ZSWIM5: variants seen among roughly 807,000 people sequenced by gnomAD.
ZSWIM5 encodes the protein zinc finger SWIM domain-containing protein 5.
A neutral mutation model predicts 119.6 loss-of-function variants in ZSWIM5; 55 were observed. The ratio of observed to expected loss-of-function variants is 0.46; its 90% CI spans 0.37 to 0.58. The LOEUF (loss-of-function observed/expected upper bound fraction) is 0.58, where lower values mean the gene tolerates loss of function less well. Ranked by LOEUF, ZSWIM5 falls within the 20% of genes least tolerant of loss-of-function variation. ZSWIM5 has a pLI of 0.00. For synonymous variants in ZSWIM5, 537 were observed against 606.9 expected, an observed-to-expected ratio of 0.88 and a Z score of 1.69; for missense variants, 1,193 against 1,512.8, an observed-to-expected ratio of 0.79 and a Z score of 3.51.
chr1:45,170,217 G>A (rs1237269387), intron 1 of ZSWIM5, among the ~76,000 whole-genome samples: 3 of 151,918 alleles, frequency 2.0e-5, no homozygotes, highest in Admixed American at 6.6e-5. Flanking sequence ...AAATAAGTAT[G>A]TAATTTTTGA....
At chr1:45,044,202 A>AAAAGAG (rs111810805) in intron 5 of ZSWIM5, among the ~76,000 whole-genome samples, 3 of 144,106 alleles carry the variant, frequency 2.1e-5, no homozygotes, top group South Asian at 2.2e-4. Context: ...AAAAAAAAAA[A>AAAAGAG]AGAGAGAGAG....
intron 1 of ZSWIM5, among the ~76,000 whole-genome samples, chr1:45,135,432 A>T (rs1645683415): frequency 6.6e-6 from 1 of 152,222 alleles, no homozygotes; most frequent in Non-Finnish European, 1.5e-5. Flanking sequence ...TTGTCTTAAA[A>T]AACAGATTAT....
intron 2 of ZSWIM5, among the ~76,000 whole-genome samples, chr1:45,061,944 G>C (rs1432233754): frequency 6.6e-6 from 1 of 151,870 alleles, no homozygotes; most frequent in Non-Finnish European, 1.5e-5. Flanking sequence ...ACAAAAATTA[G>C]CTGGGTGTAG....
intron 1 of ZSWIM5, among the ~76,000 whole-genome samples, chr1:45,161,204 C>T (rs1170957750): frequency 1.3e-5 from 2 of 151,966 alleles, no homozygotes; most frequent in Non-Finnish European, 2.9e-5. Flanking sequence ...GTAAATAGTG[C>T]TAATGATAAA....
At chr1:45,033,492 G>A (rs925523374) in intron 11 of ZSWIM5, among the ~76,000 whole-genome samples, 2 of 151,972 alleles carry the variant, frequency 1.3e-5, no homozygotes, top group Non-Finnish European at 2.9e-5. Context: ...CTTATATAGG[G>A]GCTTACTTTC....
At chr1:45,126,367 A>G (rs916044679) in intron 1 of ZSWIM5, among the ~76,000 whole-genome samples, 3 of 152,184 alleles carry the variant, frequency 2.0e-5, no homozygotes, top group African/African-American at 7.2e-5. Context: ...AGCCCTGCAG[A>G]CTTCAAAAGA....
chr1:45,147,639 G>T, intron 1 of ZSWIM5, among the ~76,000 whole-genome samples: 1 of 141,000 alleles, frequency 7.1e-6, no homozygotes, highest in South Asian at 2.3e-4. Flanking sequence ...AATATGGAAA[G>T]GAAAAAATGG....
chr1:45,053,979 C>T (rs138224580), intron 4 of ZSWIM5, among the ~76,000 whole-genome samples: 12 of 152,108 alleles, frequency 7.9e-5, no homozygotes, highest in African/African-American at 2.9e-4. Context: ...GCATATTTTC[C>T]TACAACTTAA....
At chr1:45,146,955 G>A (rs1236717458) in intron 1 of ZSWIM5, among the ~76,000 whole-genome samples, 1 of 152,106 alleles carries the variant, frequency 6.6e-6, no homozygotes, top group African/African-American at 2.4e-5. Context: ...TTTCAAGGCT[G>A]AGAAATACAG....
intron 1 of ZSWIM5, among the ~76,000 whole-genome samples, chr1:45,162,825 C>T (rs1045781044): frequency 6.6e-6 from 1 of 152,220 alleles, no homozygotes; most frequent in Non-Finnish European, 1.5e-5. Flanking sequence ...TGCCAGGAAG[C>T]TCAAACTGGG....
At chr1:45,038,165 G>C (rs984489637) in intron 8 of ZSWIM5, among the ~76,000 whole-genome samples, 1 of 152,122 alleles carries the variant, frequency 6.6e-6, no homozygotes, top group East Asian at 1.9e-4. Flanking sequence ...GAGTCTTGAG[G>C]CTCTATTAAA....
intron 1 of ZSWIM5, among the ~76,000 whole-genome samples, chr1:45,171,549 TATC>T (rs930341511): frequency 9.2e-5 from 14 of 152,228 alleles, no homozygotes; most frequent in African/African-American, 3.4e-4. Flanking sequence ...ACAGCTCTGT[TATC>T]ATACTTCTTT....
intron 1 of ZSWIM5, among the ~76,000 whole-genome samples, chr1:45,146,444 T>C (rs951515592): frequency 7.5e-6 from 1 of 133,666 alleles, no homozygotes; most frequent in African/African-American, 2.8e-5. Context: ...TTTTTTTTTT[T>C]TTTTTTTTTT....
intron 2 of ZSWIM5, among the ~76,000 whole-genome samples, chr1:45,069,159 G>A (rs1447332023): frequency 6.6e-6 from 1 of 151,960 alleles, no homozygotes; most frequent in Non-Finnish European, 1.5e-5. Flanking sequence ...AGGCACAATG[G>A]CTCATGCCTG....
At chr1:45,151,476 A>T (rs1421527902) in intron 1 of ZSWIM5, among the ~76,000 whole-genome samples, 1 of 152,056 alleles carries the variant, frequency 6.6e-6, no homozygotes, top group Non-Finnish European at 1.5e-5. Flanking sequence ...ATTAATGAAG[A>T]AGAAAGGCAC....
chr1:45,051,908 G>A (rs1995403), intron 4 of ZSWIM5, among the ~76,000 whole-genome samples: 142,786 of 152,226 alleles, frequency 0.94, 67,002 homozygotes, highest in Middle Eastern at 0.99. Context: ...GTAGAATCTT[G>A]GTATTTGCTT....
Position 45,048,683 on chromosome 1 carries a change from T to C in ZSWIM5, c.1432+2391A>G, listed in dbSNP as rs114039443. Among the ~76,000 whole-genome samples the C allele has an allele frequency of 4.4e-3, 673 of 152,154 alleles. 8 individuals are homozygous for C. Among genetic ancestry groups the C allele is most frequent in the African/African-American group, 0.015 (632 of 41,478 alleles). ...GAGATTATGAAGAGGGTGTAGTTTTTGGTAATGTCAAGGTTTAGGGTATGA... is the reference window on the plus strand; with the variant it reads ...GAGATTATGAAGAGGGTGTAGTTTTCGGTAATGTCAAGGTTTAGGGTATGA... On this transcript the variant is annotated intron_variant, in intron 5 of 13. Coordinates refer to ENST00000359600, the MANE Select transcript of ZSWIM5 (RefSeq NM_020883.2).
At chr1:45,050,349 C>G (rs1645082212) in intron 5 of ZSWIM5, among the ~76,000 whole-genome samples, 1 of 152,090 alleles carries the variant, frequency 6.6e-6, no homozygotes, top group African/African-American at 2.4e-5. Context: ...AGAGTGAGAC[C>G]TTGTCTCCAA....
chr1:45,074,857 T>C (rs1241552851), intron 2 of ZSWIM5, among the ~76,000 whole-genome samples: 1 of 151,956 alleles, frequency 6.6e-6, no homozygotes, highest in Non-Finnish European at 1.5e-5. Context: ...CTTATAGCTA[T>C]ACATTTCCCT....
Sources: allele counts gnomAD v4.1 joint callset (sites outside exome capture counted in the v4.1 genomes callset), GRCh38; gene constraint gnomAD v4.1.1; transcripts MANE v1.5; gene names NCBI Gene and HGNC (gene_info 2026-07-23, HGNC 2026-07-21).